Variants in CDH8 observed in about 807,000 individuals in gnomAD.
CDH8 encodes the protein cadherin-8.
In CDH8, 17 loss-of-function variants were observed where a neutral mutation model predicts 68.1. That is an observed-to-expected ratio of 0.25 (90% CI 0.17 to 0.37). The LOEUF (loss-of-function observed/expected upper bound fraction) is 0.37, where lower values mean the gene tolerates loss of function less well. Ranked by LOEUF, CDH8 falls within the 10% of genes least tolerant of loss-of-function variation. The pLI is 1.00. For missense variants in CDH8, 763 were observed against 999.3 expected, an observed-to-expected ratio of 0.76 and a Z score of 3.19; for synonymous variants, 372 against 365.1, an observed-to-expected ratio of 1.02 and a Z score of -0.21.
chr16:61,707,796 G>A (rs1964561479), intron 10 of CDH8, among the ~76,000 whole-genome samples: 1 of 151,990 alleles, frequency 6.6e-6, no homozygotes, highest in Admixed American at 6.6e-5. Flanking sequence ...AGATCATTTT[G>A]TTTCCACATT....
intron 3 of CDH8, 150 bp downstream of exon 3, chr16:61,901,028 TG>T: frequency 3.0e-6 from 2 of 664,448 alleles, no homozygotes; most frequent in Non-Finnish European, 5.1e-6. Context: ...TACTGAGCTG[TG>T]GAACTTAGGC....
chr16:61,831,250 T>C (rs1191327994), intron 4 of CDH8, among the ~76,000 whole-genome samples: 1 of 151,796 alleles, frequency 6.6e-6, no homozygotes, highest in Non-Finnish European at 1.5e-5. Context: ...ATGAAGTTCA[T>C]TCAATGGAAA....
intron 8 of CDH8, among the ~76,000 whole-genome samples, chr16:61,736,112 A>AAGG (rs1959673020): frequency 1.4e-3 from 163 of 116,526 alleles, no homozygotes; most frequent in South Asian, 6.3e-3. Flanking sequence ...AGAAAGAAAG[A>AAGG]AAGGAAGGAA....
chr16:61,655,223 C>A (rs8054445), intron 11 of CDH8, among the ~76,000 whole-genome samples: 20,598 of 152,032 alleles, frequency 0.14, 1,580 homozygotes, highest in African/African-American at 0.2. Flanking sequence ...CACCATTATG[C>A]CTTGTTCATC....
chr16:61,871,526 T>C (rs1963363064), intron 3 of CDH8, among the ~76,000 whole-genome samples: 1 of 151,886 alleles, frequency 6.6e-6, no homozygotes, highest in Non-Finnish European at 1.5e-5. Flanking sequence ...TAGATTCTGA[T>C]GTAACAAATA....
At chr16:61,813,898 A>C (rs1464180112) in intron 7 of CDH8, among the ~76,000 whole-genome samples, 1 of 152,232 alleles carries the variant, frequency 6.6e-6, no homozygotes, top group Non-Finnish European at 1.5e-5. Context: ...TAGCAGTAGC[A>C]GGAGAAAATA....
chr16:61,647,631 C>A lies in CDH8; in HGVS notation c.*5977G>T. ...TAACATTTGGCTTTGGGGGGTGATCCCAATGACTCCTAAATTGTCATGGTC... is the reference window on the plus strand; with the variant it reads ...TAACATTTGGCTTTGGGGGGTGATCACAATGACTCCTAAATTGTCATGGTC... On this transcript the variant is annotated 3_prime_UTR_variant, in exon 12 of 12. Coordinates refer to ENST00000577390, the MANE Select transcript of CDH8 (RefSeq NM_001796.5). 1.3e-5 allele frequency: 7 copies of A among 528,264 alleles called. No individual in the cohort carries two copies. The highest frequency in any genetic ancestry group is 3.1e-4 in the Middle Eastern group (1 of 3,262). 32.7% of individuals were successfully genotyped at this position (528,264 alleles called of 1,614,324 possible). A position where few individuals can be genotyped will look rare whatever the true frequency, so the allele number is the denominator to read the frequency against.
intron 2 of CDH8, among the ~76,000 whole-genome samples, chr16:61,936,870 T>G (rs1964635540): frequency 6.6e-6 from 1 of 152,216 alleles, no homozygotes; most frequent in Admixed American, 6.5e-5. Flanking sequence ...TATTATTAAC[T>G]TCTAAGCAAT....
intron 10 of CDH8, among the ~76,000 whole-genome samples, chr16:61,682,123 T>G (rs1964024265): frequency 6.6e-6 from 1 of 151,932 alleles, no homozygotes; most frequent in Non-Finnish European, 1.5e-5. Flanking sequence ...TCTTTTTTTC[T>G]CTCCTTGTGA....
At chr16:61,951,445 A>C (rs573357058) in intron 2 of CDH8, among the ~76,000 whole-genome samples, 1 of 150,338 alleles carries the variant, frequency 6.7e-6, no homozygotes, top group East Asian at 2.0e-4. Context: ...CCTGGGAGGC[A>C]GAGCTTGCAG....
chr16:61,964,560 A>G (rs867925347), intron 2 of CDH8, among the ~76,000 whole-genome samples: 3 of 151,876 alleles, frequency 2.0e-5, no homozygotes, highest in South Asian at 2.1e-4. Flanking sequence ...CAACCAAAAC[A>G]ATCTTGAATG....
intron 6 of CDH8, among the ~76,000 whole-genome samples, chr16:61,819,923 C>A (rs77415609): frequency 0.011 from 1,627 of 152,132 alleles, 22 homozygotes; most frequent in African/African-American, 0.036. Context: ...AGAAAATAAT[C>A]AGGATGAGGA....
At chr16:61,961,080 C>T (rs1199453065) in intron 2 of CDH8, among the ~76,000 whole-genome samples, 7 of 152,104 alleles carry the variant, frequency 4.6e-5, no homozygotes, top group African/African-American at 1.7e-4. Flanking sequence ...CTTTAGGAAG[C>T]CAAGGCGGGT....
At chr16:61,659,825 C>A (rs1223955670) in intron 10 of CDH8, among the ~76,000 whole-genome samples, 12 of 152,086 alleles carry the variant, frequency 7.9e-5, no homozygotes, top group Admixed American at 7.9e-4. Flanking sequence ...CTGGAGCCCA[C>A]TTGGGTCAGA....
At chr16:61,964,878 T>G (rs1293270691) in intron 2 of CDH8, among the ~76,000 whole-genome samples, 1 of 152,208 alleles carries the variant, frequency 6.6e-6, no homozygotes, top group African/African-American at 2.4e-5. Flanking sequence ...GTTTAAAATC[T>G]TTTGATTGCT....
At chr16:61,816,587 TG>T (rs1171472774) in intron 7 of CDH8, among the ~76,000 whole-genome samples, 5 of 152,180 alleles carry the variant, frequency 3.3e-5, no homozygotes, top group African/African-American at 1.2e-4. Flanking sequence ...AACAAATATT[TG>T]TAAGACAATA....
intron 2 of CDH8, among the ~76,000 whole-genome samples, chr16:61,902,115 G>A (rs894688805): frequency 2.6e-5 from 4 of 151,970 alleles, no homozygotes; most frequent in South Asian, 2.1e-4. Context: ...CTGACAATTC[G>A]TCTAGTCCAG....
chr16:61,815,307 T>C (rs1369164472), intron 7 of CDH8, among the ~76,000 whole-genome samples: 1 of 152,204 alleles, frequency 6.6e-6, no homozygotes, highest in Non-Finnish European at 1.5e-5. Context: ...ATAGCAATAA[T>C]AATAACTAGC....
rs1555525996 is a variant in CDH8 at position 61,972,571 on chromosome 16, G to GGTGTGT, written c.252+48575_252+48580dup. ...TTTTTTTTTCTGGGAACACATTGTG[G>GGTGTGT]GTGTGTGTGTGTGTGTGTGTGTGTG... is the stretch of plus-strand genomic sequence containing the variant. On this transcript the variant is annotated intron_variant, in intron 2 of 11. Transcript: ENST00000577390. 2.1e-3 allele frequency among the ~76,000 whole-genome samples: 275 copies of GGTGTGT among 131,536 alleles called. 3 individuals carry two copies. The highest frequency in any genetic ancestry group is 0.019 in the East Asian group (89 of 4,656). 86.3% of individuals were successfully genotyped at this position (131,536 alleles called of 152,430 possible).
Sources: allele counts gnomAD v4.1 joint callset (sites outside exome capture counted in the v4.1 genomes callset), GRCh38; gene constraint gnomAD v4.1.1; transcripts MANE v1.5; gene names NCBI Gene and HGNC (gene_info 2026-07-23, HGNC 2026-07-21).